The following AK8 variants were observed in gnomAD, a reference collection of about 807,000 sequenced individuals.
The protein encoded by AK8 is ATP-AMP transphosphorylase 8.
Under a neutral mutation model 54.6 loss-of-function variants are expected in AK8, and 44 were observed. The ratio of observed to expected loss-of-function variants is 0.81; its 90% CI spans 0.63 to 1.04. The LOEUF (loss-of-function observed/expected upper bound fraction) is 1.04, where lower values mean the gene tolerates loss of function less well. AK8 is among the 50% of genes least tolerant of loss of function. The pLI, the probability that AK8 is intolerant of heterozygous loss-of-function variation, is 0.00. For missense variants in AK8, 555 were observed against 613.6 expected (o/e 0.90, Z 1.01); for synonymous variants, 239 against 245.6 (o/e 0.97, Z 0.25).
intron 10 of AK8, among the ~76,000 whole-genome samples, chr9:132,814,240 C>A (rs564045281): frequency 1.6e-5 from 2 of 128,366 alleles, no homozygotes; most frequent in African/African-American, 3.0e-5. Flanking sequence ...GACTGCACCA[C>A]TGCACTCCAG....
At chr9:132,878,389 G>T, upstream of AK8, 1 of 1,245,328 alleles carries the variant, frequency 8.0e-7, no homozygotes. The surrounding 1 kb of genome is among the most constrained non-coding windows in gnomAD (Gnocchi z 4.7). Context: ...TCGGTCGCGC[G>T]GGTCGCCCCC....
chr9:132,849,062 C>A (rs140527615), intron 5 of AK8, among the ~76,000 whole-genome samples: 14,591 of 151,920 alleles, frequency 0.096, 905 homozygotes, highest in African/African-American at 0.15. Flanking sequence ...GCGCGTGCCA[C>A]CACGCCCGGC....
At chr9:132,763,397 C>A (rs1202393007) in intron 11 of AK8, among the ~76,000 whole-genome samples, 3 of 152,138 alleles carry the variant, frequency 2.0e-5, no homozygotes, top group Non-Finnish European at 4.4e-5. Context: ...TAAAAAATTT[C>A]TTGAAACAAA....
rs79707431 is a variant in AK8, at chr9:132,770,831, C to T, written c.1121+21803G>A. 6.6e-6 allele frequency among the ~76,000 whole-genome samples: 1 copy of T among 152,172 alleles called. No homozygotes were observed. Among genetic ancestry groups the T allele is most frequent in the Admixed American group, 6.5e-5 (1 of 15,284 alleles). ...AAGCAGCTGCTGAGTGCACGGCAGACCCCCTGGCATGGGGTTACACCTTCT... is the reference window on the plus strand; with the variant it reads ...AAGCAGCTGCTGAGTGCACGGCAGATCCCCTGGCATGGGGTTACACCTTCT... On this transcript the variant is annotated intron_variant, in intron 11 of 12. Coordinates refer to ENST00000298545, the MANE Select transcript of AK8 (RefSeq NM_152572.3). This position sits in a 1 kb window ranked among gnomAD's most constrained non-coding sequence, Gnocchi z 4.3.
At chr9:132,779,886 T>C (rs1839385169) in intron 11 of AK8, among the ~76,000 whole-genome samples, 1 of 152,236 alleles carries the variant, frequency 6.6e-6, no homozygotes, top group South Asian at 2.1e-4. Context: ...CTATGTGGCC[T>C]GGAGCAAGGA....
chr9:132,774,580 T>C (rs1839126959), intron 11 of AK8, among the ~76,000 whole-genome samples: 1 of 152,128 alleles, frequency 6.6e-6, no homozygotes, highest in Admixed American at 6.5e-5. Context: ...CGAAGTCCCC[T>C]ATGGGTAAAG....
chr9:132,806,484 G>A lies in AK8; in HGVS notation c.979+8154C>T, dbSNP rs1840730920. 2.6e-5 allele frequency among the ~76,000 whole-genome samples: 4 copies of A among 152,124 alleles called. No individual in the cohort carries two copies. The South Asian group carries it at 8.3e-4, about 32-fold the overall frequency. ...ACACACCGCATGCAAAGGCTTGCTG[G>A]AAACGGGCAGAGGGTCCCTCAGGGT... is the stretch of plus-strand genomic sequence containing the variant. On this transcript the variant is annotated intron_variant, in intron 10 of 12. Coordinates refer to ENST00000298545, the MANE Select transcript of AK8 (RefSeq NM_152572.3).
chr9:132,819,976 T>C (rs573942837), intron 9 of AK8, among the ~76,000 whole-genome samples: 4 of 151,628 alleles, frequency 2.6e-5, no homozygotes, highest in South Asian at 2.1e-4. Flanking sequence ...CTGGGCAACA[T>C]AGAGAGATTC....
At chr9:132,857,863 C>G (rs1843237852) in intron 4 of AK8, among the ~76,000 whole-genome samples, 1 of 152,250 alleles carries the variant, frequency 6.6e-6, no homozygotes, top group Non-Finnish European at 1.5e-5. Context: ...CGCCACTGTG[C>G]TGTCTCCACG....
intron 11 of AK8, among the ~76,000 whole-genome samples, chr9:132,762,695 G>A (rs1261806429): frequency 6.6e-6 from 1 of 151,984 alleles, no homozygotes; most frequent in Admixed American, 6.6e-5. Flanking sequence ...CCTGAGGTCA[G>A]GAGTTCCAGA....
Position 132,742,917 on chromosome 9 carries a change from C to T in AK8, c.1122-15383G>A, listed in dbSNP as rs1837463161. Reference sequence around the variant, plus strand: ...GTTCAGCAACCAATCCAAGTTCCCCCGCCAGAAGCGATGGAGCCACGACTC... The same window carrying T: ...GTTCAGCAACCAATCCAAGTTCCCCTGCCAGAAGCGATGGAGCCACGACTC... On this transcript the variant is annotated intron_variant, in intron 11 of 12. Transcript: ENST00000298545. Among the ~76,000 whole-genome samples, 3 of 152,184 alleles carry T rather than the reference C, an allele frequency of 2.0e-5. No individual in the cohort carries two copies. In the South Asian group the frequency reaches 6.2e-4, roughly 32 times the overall value.
Position 132,792,779 on chromosome 9 carries a change from C to A in AK8, c.980-4G>T, listed in dbSNP as rs202188133. On this transcript the variant is annotated splice_polypyrimidine_tract_variant and splice_region_variant and intron_variant, in intron 10 of 12. Coordinates refer to ENST00000298545, the MANE Select transcript of AK8 (RefSeq NM_152572.3). ...TTCATGAGGAGGCTGTCAGGAACTG[C>A]AGAGAAGGGGGGCAAGTGAGTACCC... 353 of 1,557,806 alleles carry A rather than the reference C, an allele frequency of 2.3e-4. 1 individual carries two copies. In the African/African-American group the frequency reaches 4.1e-3, roughly 18 times the overall value.
intron 10 of AK8, among the ~76,000 whole-genome samples, chr9:132,802,316 A>AG (rs1286161619): frequency 6.6e-6 from 1 of 152,050 alleles, no homozygotes; most frequent in Non-Finnish European, 1.5e-5. Context: ...CTCCCAGGGC[A>AG]GGGGGCGGGA....
chr9:132,793,476 A>G (rs1840030453), intron 10 of AK8, among the ~76,000 whole-genome samples: 2 of 152,348 alleles, frequency 1.3e-5, no homozygotes, highest in South Asian at 4.1e-4. Flanking sequence ...GGACTGTGCC[A>G]GCGCCCCCAA....
chr9:132,846,273 G>A (rs1842745100), intron 5 of AK8, among the ~76,000 whole-genome samples: 1 of 152,248 alleles, frequency 6.6e-6, no homozygotes, highest in Admixed American at 6.5e-5. Context: ...GATGTGTGGG[G>A]TGGATGGGGC....
At chr9:132,876,861 C>G (rs1269330042) in intron 1 of AK8, among the ~76,000 whole-genome samples, 1 of 151,928 alleles carries the variant, frequency 6.6e-6, no homozygotes. Flanking sequence ...GAGTTCAAGA[C>G]CAGTCCGGGC....
intron 5 of AK8, among the ~76,000 whole-genome samples, chr9:132,833,759 A>G (rs2131323285): frequency 1.3e-5 from 2 of 152,336 alleles, no homozygotes; most frequent in East Asian, 3.9e-4. Flanking sequence ...CAGCCTGGGG[A>G]ACTTGGCGAG....
intron 11 of AK8, chr9:132,769,145 T>C (rs1172891381): frequency 6.6e-6 from 1 of 151,992 alleles, no homozygotes; most frequent in Non-Finnish European, 1.5e-5. Flanking sequence ...AATCTCCAAA[T>C]ACAGTGGGCC....
intron 5 of AK8, among the ~76,000 whole-genome samples, chr9:132,835,891 AGGTG>A (rs1412692578): frequency 6.6e-6 from 1 of 152,188 alleles, no homozygotes; most frequent in Non-Finnish European, 1.5e-5. Flanking sequence ...TGGGAGGCCG[AGGTG>A]GGTGGATCAC....
Sources: allele counts gnomAD v4.1 joint callset (sites outside exome capture counted in the v4.1 genomes callset), GRCh38; gene constraint gnomAD v4.1.1; non-coding constraint Gnocchi (gnomAD v3.1); transcripts MANE v1.5; gene names NCBI Gene and HGNC (gene_info 2026-07-23, HGNC 2026-07-21).